Variants in SIPA1L2 observed in about 807,000 individuals in gnomAD.
The protein encoded by SIPA1L2 is signal-induced proliferation-associated 1-like protein 2.
Under a neutral mutation model 163.9 loss-of-function variants are expected in SIPA1L2, and 56 were observed. That is an observed-to-expected ratio of 0.34 (90% confidence interval 0.28 to 0.43). SIPA1L2 has a LOEUF of 0.43. SIPA1L2 is among the 20% of genes least tolerant of loss of function. The pLI, the probability that SIPA1L2 is intolerant of heterozygous loss-of-function variation, is 1.00. For missense variants in SIPA1L2, 1,974 were observed against 2,193.5 expected (o/e 0.90, Z 2.00); for synonymous variants, 877 against 865.7 (o/e 1.01, Z -0.23).
intron 17 of SIPA1L2, 126 bp downstream of exon 17, chr1:232,428,285 T>C (rs1168634017): frequency 5.3e-6 from 4 of 755,004 alleles, no homozygotes; most frequent in Non-Finnish European, 7.6e-6. Flanking sequence ...TGCAGTGAGT[T>C]GTTGGTAGGG....
intron 15 of SIPA1L2, among the ~76,000 whole-genome samples, chr1:232,437,798 A>G (rs1475375558): frequency 6.6e-6 from 1 of 152,166 alleles, no homozygotes; most frequent in Non-Finnish European, 1.5e-5. Context: ...TTCTGCAGAA[A>G]CTAGAAAAAA....
chr1:232,590,057 C>G (rs1371581762), intron 1 of SIPA1L2, among the ~76,000 whole-genome samples: 1 of 152,186 alleles, frequency 6.6e-6, no homozygotes, highest in Admixed American at 6.5e-5. Flanking sequence ...TTCCAGAGCC[C>G]ACTGGAGTGT....
intron 2 of SIPA1L2, among the ~76,000 whole-genome samples, chr1:232,535,388 G>A (rs1480100330): frequency 6.6e-6 from 1 of 152,050 alleles, no homozygotes; most frequent in Non-Finnish European, 1.5e-5. Flanking sequence ...TTCCTGGTTT[G>A]ATTGTAAAAT....
chr1:232,618,008 C>T (rs899391983), intron 1 of SIPA1L2, among the ~76,000 whole-genome samples: 2 of 152,072 alleles, frequency 1.3e-5, no homozygotes, highest in Admixed American at 6.6e-5. Context: ...GCAAATAAAG[C>T]CAGACCTAAC....
chr1:232,531,574 C>T (rs1656942966), intron 2 of SIPA1L2, among the ~76,000 whole-genome samples: 1 of 152,074 alleles, frequency 6.6e-6, no homozygotes, highest in South Asian at 2.1e-4. Context: ...AATGAAAGGC[C>T]CTGGAAAAGG....
chr1:232,527,615 G>C (rs868333380), intron 2 of SIPA1L2, among the ~76,000 whole-genome samples: 1 of 150,244 alleles, frequency 6.7e-6, no homozygotes, highest in Admixed American at 6.6e-5. Flanking sequence ...TAACACTAAA[G>C]ATCTTTACCT....
intron 11 of SIPA1L2, among the ~76,000 whole-genome samples, chr1:232,445,088 A>C (rs1406429943): frequency 1.3e-5 from 2 of 152,352 alleles, no homozygotes; most frequent in East Asian, 3.9e-4. Context: ...TAAAAGGAGA[A>C]AAGCAAAGAG....
intron 10 of SIPA1L2, among the ~76,000 whole-genome samples, chr1:232,458,684 T>G (rs936905866): frequency 9.9e-5 from 15 of 152,164 alleles, no homozygotes; most frequent in Non-Finnish European, 2.2e-4. Context: ...ATCTTAATAA[T>G]TAAAAACCTG....
intron 10 of SIPA1L2, among the ~76,000 whole-genome samples, chr1:232,453,911 T>G (rs922591045): frequency 2.0e-5 from 3 of 152,240 alleles, no homozygotes; most frequent in Non-Finnish European, 2.9e-5. Flanking sequence ...AATCATTTTA[T>G]AGCCCTAGGG....
chr1:232,555,716 T>G (rs1658662476), intron 2 of SIPA1L2, among the ~76,000 whole-genome samples: 1 of 152,190 alleles, frequency 6.6e-6, no homozygotes, highest in Non-Finnish European at 1.5e-5. Context: ...CTATGCAGTC[T>G]TTGGAAATTC....
At chr1:232,502,176 C>T (rs915566954) in intron 3 of SIPA1L2, among the ~76,000 whole-genome samples, 1 of 152,186 alleles carries the variant, frequency 6.6e-6, no homozygotes, top group Non-Finnish European at 1.5e-5. Flanking sequence ...CCTTTCTTAA[C>T]CTCAGAATCC....
chr1:232,561,713 A>G (rs527336628), intron 2 of SIPA1L2, among the ~76,000 whole-genome samples: 1 of 152,274 alleles, frequency 6.6e-6, no homozygotes, highest in South Asian at 2.1e-4. Flanking sequence ...GTCCAGAGTG[A>G]CTCTGGATAA....
chr1:232,444,002 C>T (rs114921423), intron 11 of SIPA1L2, among the ~76,000 whole-genome samples: 1,587 of 151,996 alleles, frequency 0.01, 20 homozygotes, highest in African/African-American at 0.029. Flanking sequence ...ATACAATTTC[C>T]GAGAATACAG....
intron 2 of SIPA1L2, among the ~76,000 whole-genome samples, chr1:232,544,604 T>G (rs1320225371): frequency 6.6e-6 from 1 of 151,650 alleles, no homozygotes; most frequent in East Asian, 1.9e-4. Context: ...TCTTTATCTC[T>G]CAAAAAGAGC....
chr1:232,404,262 G>T, intron 19 of SIPA1L2, 84 bp from the exon 20 acceptor site: 1 of 1,202,112 alleles, frequency 8.3e-7, no homozygotes, highest in Non-Finnish European at 1.2e-6. Flanking sequence ...ATGCGGCTGT[G>T]TGAAGTAGTG....
chr1:232,503,422 G>A (rs1044533869), intron 3 of SIPA1L2, among the ~76,000 whole-genome samples: 2 of 152,210 alleles, frequency 1.3e-5, no homozygotes, highest in Non-Finnish European at 2.9e-5. Flanking sequence ...TTAGAAGAGA[G>A]GTTTAAGTGG....
At chr1:232,579,159 C>T (rs113877504) in intron 1 of SIPA1L2, among the ~76,000 whole-genome samples, 5 of 152,094 alleles carry the variant, frequency 3.3e-5, no homozygotes, top group African/African-American at 4.8e-5. Context: ...CTGTTTTCTC[C>T]GCAAAAGAAA....
intron 8 of SIPA1L2, among the ~76,000 whole-genome samples, chr1:232,467,469 C>T (rs146634079): frequency 1.3e-3 from 193 of 152,228 alleles, no homozygotes; most frequent in East Asian, 7.7e-3. Context: ...TTAATTTATC[C>T]CCCACAATCC....
At chr1:232,513,229 G>A (rs1035273964) in intron 3 of SIPA1L2, among the ~76,000 whole-genome samples, 1 of 152,224 alleles carries the variant, frequency 6.6e-6, no homozygotes, top group Non-Finnish European at 1.5e-5. Context: ...TCTGAAGAAT[G>A]CATCCTTCAA....
Sources: allele counts gnomAD v4.1 joint callset (sites outside exome capture counted in the v4.1 genomes callset), GRCh38; gene constraint gnomAD v4.1.1; transcripts MANE v1.5; gene names NCBI Gene and HGNC (gene_info 2026-07-23, HGNC 2026-07-21).